Variants in ADAM22 observed in about 807,000 individuals in gnomAD.
The protein encoded by ADAM22 is disintegrin and metalloproteinase domain-containing protein 22.
A neutral mutation model predicts 144.6 loss-of-function variants in ADAM22; 65 were observed. The ratio of observed to expected loss-of-function variants is 0.45; its 90% CI spans 0.37 to 0.55. The LOEUF (loss-of-function observed/expected upper bound fraction) is 0.55, where lower values mean the gene tolerates loss of function less well. ADAM22 is among the 20% of genes least tolerant of loss of function. The pLI is 0.00. For synonymous variants in ADAM22, 391 were observed against 412.6 expected, an observed-to-expected ratio of 0.95 and a Z score of 0.63; for missense variants, 974 against 1,184.9, an observed-to-expected ratio of 0.82 and a Z score of 2.61.
chr7:87,963,397 G>A (rs73393838), intron 2 of ADAM22, among the ~76,000 whole-genome samples: 8 of 151,998 alleles, frequency 5.3e-5, no homozygotes, highest in Non-Finnish European at 8.8e-5. Context: ...AGTGACCTCC[G>A]TGTTACTTTG....
At chr7:87,958,034 A>G (rs1259962130) in intron 2 of ADAM22, among the ~76,000 whole-genome samples, 1 of 152,244 alleles carries the variant, frequency 6.6e-6, no homozygotes, top group African/African-American at 2.4e-5. Flanking sequence ...AGGTAAAAGA[A>G]TTAAATTCAT....
chr7:88,033,638 ATGGG>A (rs1276925007), intron 3 of ADAM22, among the ~76,000 whole-genome samples: 3 of 152,206 alleles, frequency 2.0e-5, no homozygotes, highest in Admixed American at 6.5e-5. Context: ...CTACAGGGCA[ATGGG>A]ATTCCCCAGG....
chr7:88,198,179 CATGGACAAA>C lies in ADAM22; in HGVS notation c.*1691_*1699del, dbSNP rs990678136. The C allele has an allele frequency of 6.6e-6, 1 of 152,054 alleles. No homozygotes were observed. The highest frequency in any genetic ancestry group is 2.4e-5 in the African/African-American group (1 of 41,386). The allele number at this position is 152,054 out of a possible 1,614,324, so 9.4% of individuals were successfully genotyped here. A position where few individuals can be genotyped will look rare whatever the true frequency, so the allele number is the denominator to read the frequency against. On this transcript the variant is annotated 3_prime_UTR_variant, in exon 32 of 32. Transcript: ENST00000413139. Reference sequence around the variant, plus strand: ...AAATTTGATCCTCTCCCATAGTATCCATGGACAAAATCCATATCATCTTCATATGTAATC... The same window carrying C: ...AAATTTGATCCTCTCCCATAGTATCCATCCATATCATCTTCATATGTAATC...
rs1554420478 is a variant in ADAM22 at position 88,039,464 on chromosome 7, A to ATATATATAT, written c.324-36162_324-36161insTATATATAT. Among the ~76,000 whole-genome samples, 7 of 76,400 alleles carry ATATATATAT rather than the reference A, an allele frequency of 9.2e-5. No homozygotes were observed. The East Asian group carries it at 2.1e-3, about 23-fold the overall frequency. 50.1% of individuals were successfully genotyped at this position (76,400 alleles called of 152,430 possible). ...GATTCTGTCTCAAAAAAAAAAAAAA[A>ATATATATAT]ATATATATATATATATATATACATT... On this transcript the variant is annotated intron_variant, in intron 3 of 31. Transcript: ENST00000413139.
At chr7:88,053,620 GAAAGAA>G (rs1365912531) in intron 3 of ADAM22, among the ~76,000 whole-genome samples, 1 of 115,178 alleles carries the variant, frequency 8.7e-6, no homozygotes, top group Non-Finnish European at 2.0e-5. Context: ...AAGAAAGAAA[GAAAGAA>G]AGAAAGAAAG....
intron 2 of ADAM22, among the ~76,000 whole-genome samples, chr7:87,957,729 C>T (rs986203002): frequency 1.4e-4 from 21 of 151,970 alleles, no homozygotes; most frequent in Non-Finnish European, 2.2e-4. Context: ...ATTACAGGTG[C>T]GCACTACCAT....
intron 3 of ADAM22, among the ~76,000 whole-genome samples, chr7:88,026,268 A>G (rs1241850752): frequency 7.2e-5 from 11 of 152,160 alleles, no homozygotes; most frequent in Non-Finnish European, 1.0e-4. Flanking sequence ...GGGAACTTTT[A>G]CTCATGGCAG....
At chr7:88,134,183 C>T in intron 12 of ADAM22, 146 bp from the exon 13 acceptor site, 1 of 507,720 alleles carries the variant, frequency 2.0e-6, no homozygotes, top group African/African-American at 2.0e-5. Flanking sequence ...AATGCATATT[C>T]AGTGCTGGCT....
At chr7:87,997,282 A>G (rs1791462476) in intron 3 of ADAM22, among the ~76,000 whole-genome samples, 2 of 152,270 alleles carry the variant, frequency 1.3e-5, no homozygotes. Context: ...GAAAGCAGTA[A>G]CATTTTGTAA....
At chr7:88,131,525 C>A (rs1563285747) in intron 11 of ADAM22, 90 bp downstream of exon 11, 2 of 1,381,342 alleles carry the variant, frequency 1.4e-6, no homozygotes, top group Non-Finnish European at 2.0e-6. Flanking sequence ...TGCTACATAA[C>A]ACAATTAGGA....
At chr7:87,945,552 C>T (rs1252040613) in intron 2 of ADAM22, among the ~76,000 whole-genome samples, 6 of 146,346 alleles carry the variant, frequency 4.1e-5, no homozygotes, top group Middle Eastern at 3.6e-3. Flanking sequence ...CTCACTCTGT[C>T]GCCAGGCTGG....
At chr7:88,108,743 A>G (rs962281685) in intron 5 of ADAM22, among the ~76,000 whole-genome samples, 2 of 151,184 alleles carry the variant, frequency 1.3e-5, no homozygotes, top group African/African-American at 2.5e-5. Flanking sequence ...AAAATAAAGA[A>G]AGAAAGAAAG....
At chr7:88,025,704 C>G (rs555096313) in intron 3 of ADAM22, among the ~76,000 whole-genome samples, 7 of 152,272 alleles carry the variant, frequency 4.6e-5, no homozygotes, top group African/African-American at 1.7e-4. Flanking sequence ...TCTTGGTTCT[C>G]TATTTTTTTA....
At chr7:88,101,759 T>C (rs190508205) in intron 4 of ADAM22, among the ~76,000 whole-genome samples, 103 of 152,340 alleles carry the variant, frequency 6.8e-4, no homozygotes, top group African/African-American at 1.7e-3. Flanking sequence ...GTGTAAGATT[T>C]CAGTGAGCTT....
rs561042771 is a variant in ADAM22 at position 87,986,383 on chromosome 7, G to A, written c.323+7971G>A. On this transcript the variant is annotated intron_variant, in intron 3 of 31. Coordinates refer to ENST00000413139, the MANE Select transcript of ADAM22 (RefSeq NM_001324418.2). Reference sequence around the variant, plus strand: ...TGGCTGCAAAGTCCAGAGCAAAGGGGAACTGTATTGGAAGGTGCTGGAAGA... The same window carrying A: ...TGGCTGCAAAGTCCAGAGCAAAGGGAAACTGTATTGGAAGGTGCTGGAAGA... Among the ~76,000 whole-genome samples the A allele has an allele frequency of 4.6e-5, 7 of 152,262 alleles. No homozygotes were observed. In the South Asian group the frequency reaches 1.2e-3, roughly 27 times the overall value.
rs1207817026 is a variant in ADAM22, at chr7:88,153,205, T to A, written c.1682-16T>A. On this transcript the variant is annotated splice_polypyrimidine_tract_variant and intron_variant, in intron 20 of 31. Coordinates refer to ENST00000413139, the MANE Select transcript of ADAM22 (RefSeq NM_001324418.2). The stretch of plus-strand genomic sequence containing the variant: ...TCGTACTTCCCTCACTGATAGAAAA[T>A]TTTTTTCTGCCTTAGAGGTGACAGC... The A allele has an allele frequency of 1.3e-6, 2 of 1,597,622 alleles. No homozygotes were observed. The highest frequency in any genetic ancestry group is 2.2e-5 in the East Asian group (1 of 44,712).
At chr7:88,180,594 T>C (rs1846757387) in intron 27 of ADAM22, among the ~76,000 whole-genome samples, 1 of 152,140 alleles carries the variant, frequency 6.6e-6, no homozygotes. Flanking sequence ...CATTAAATTA[T>C]TCCATTAACC....
intron 4 of ADAM22, among the ~76,000 whole-genome samples, chr7:88,085,529 C>CA (rs1818211830): frequency 6.6e-6 from 1 of 152,086 alleles, no homozygotes; most frequent in African/African-American, 2.4e-5. Flanking sequence ...GCCTGGGTAA[C>CA]ATAGCAAGAG....
chr7:88,058,100 G>T (rs73706962), intron 3 of ADAM22, among the ~76,000 whole-genome samples: 2,528 of 152,262 alleles, frequency 0.017, 85 homozygotes, highest in African/African-American at 0.058. Flanking sequence ...ACAGATGGGA[G>T]ACATCAATAA....
Sources: gnomAD v4.1 joint callset for allele counts (sites outside exome capture counted in the v4.1 genomes callset) on GRCh38, gnomAD v4.1.1 for gene constraint, MANE v1.5 for transcripts, NCBI Gene and HGNC (gene_info 2026-07-23, HGNC 2026-07-21) for gene names.